The following DENND5B variants were observed in gnomAD, a reference collection of about 807,000 sequenced individuals.
DENND5B encodes DENN domain-containing protein 5B.
A neutral mutation model predicts 140.6 loss-of-function variants in DENND5B; 34 were observed. The observed-to-expected ratio is 0.24, with a 90% confidence interval of 0.18 to 0.32. DENND5B has a LOEUF of 0.32. Among genes scored for constraint, DENND5B ranks in the 10% least tolerant of loss-of-function variants. DENND5B has a pLI of 1.00. For synonymous variants in DENND5B, 551 were observed against 562.1 expected (o/e 0.98, Z 0.28); for missense variants, 1,142 against 1,560.2 (o/e 0.73, Z 4.52).
At chr12:31,525,412 A>C (rs73084486) in intron 1 of DENND5B, among the ~76,000 whole-genome samples, 20,421 of 152,258 alleles carry the variant, frequency 0.13, 1,616 homozygotes, top group Non-Finnish European at 0.18. Flanking sequence ...AAATATGCAA[A>C]GTGAAAGATG....
At chr12:31,553,261 T>C (rs1308658372) in intron 1 of DENND5B, among the ~76,000 whole-genome samples, 1 of 152,218 alleles carries the variant, frequency 6.6e-6, no homozygotes, top group Admixed American at 6.5e-5. Flanking sequence ...TGGTATGTTG[T>C]GTCTTTGTTC....
chr12:31,563,721 G>T (rs1170582713), intron 1 of DENND5B, among the ~76,000 whole-genome samples: 1 of 152,108 alleles, frequency 6.6e-6, no homozygotes, highest in Non-Finnish European at 1.5e-5. Flanking sequence ...GATTTCAAGA[G>T]ATCTCTTGGA....
chr12:31,557,974 G>A (rs1949354039), intron 1 of DENND5B, among the ~76,000 whole-genome samples: 2 of 152,120 alleles, frequency 1.3e-5, no homozygotes, highest in Admixed American at 6.6e-5. Context: ...GACTGGTTAA[G>A]CCCAGGAGTT....
At chr12:31,572,003 T>C (rs898152841) in intron 1 of DENND5B, among the ~76,000 whole-genome samples, 2 of 152,122 alleles carry the variant, frequency 1.3e-5, no homozygotes, top group African/African-American at 4.8e-5. Flanking sequence ...CGCAGGTGGA[T>C]CATGTGAGGT....
intron 4 of DENND5B, 150 bp from the exon 5 acceptor site, chr12:31,452,626 C>G: frequency 1.3e-6 from 1 of 782,164 alleles, no homozygotes; most frequent in Non-Finnish European, 1.9e-6. Context: ...GGGTTCGAGA[C>G]AAGACTGGGA....
intron 1 of DENND5B, among the ~76,000 whole-genome samples, chr12:31,581,843 A>G (rs1950217885): frequency 6.6e-6 from 1 of 152,174 alleles, no homozygotes; most frequent in African/African-American, 2.4e-5. Flanking sequence ...GATTGGTTCC[A>G]AGACTCCCAG....
intron 1 of DENND5B, among the ~76,000 whole-genome samples, chr12:31,497,062 T>C (rs1358224135): frequency 6.6e-6 from 1 of 152,156 alleles, no homozygotes; most frequent in South Asian, 2.1e-4. Flanking sequence ...TGAATTGTAT[T>C]TGACTTCTAG....
Position 31,426,334 on chromosome 12 carries a change from A to G in DENND5B, c.2197T>C (p.Cys733Arg). ...TTTAATAAGCCTTCTACGAATTTAC[A>G]GTTGGTCTGTGCAATAACTGCAGGA... Reference protein sequence around the residue: ...LSPAVIAQTNCKFVEGLLKEC... With the variant: ...LSPAVIAQTNRKFVEGLLKEC... Residue 733 changes from cysteine to arginine, a missense_variant, in exon 9 of 21, where the codon TGT (cysteine) becomes CGT (arginine). Cys to Arg is a radical substitution (Grantham distance 180). Around this residue, in one of 5 missense-constraint regions of DENND5B, gnomAD observed 708 missense variants for 905.5 expected, o/e 0.78. Coordinates refer to ENST00000389082, the MANE Select transcript of DENND5B (RefSeq NM_144973.4). The G allele has an allele frequency of 6.2e-7, 1 of 1,610,826 alleles. No individual in the cohort carries two copies. Among genetic ancestry groups the G allele is most frequent in the Non-Finnish European group, 8.5e-7 (1 of 1,178,436 alleles).
intron 1 of DENND5B, 105 bp from the exon 2 acceptor site, chr12:31,496,024 G>A: frequency 1.4e-6 from 1 of 695,530 alleles, no homozygotes; most frequent in Non-Finnish European, 2.2e-6. Flanking sequence ...GTTGAGATCT[G>A]ATTCAATTTC....
chr12:31,520,603 T>G lies in DENND5B; in HGVS notation c.128-24684A>C, dbSNP rs765149524. ...TCATCCAGGCTGGAGTACAGTGGTG[T>G]GATCTCAGCTCACTGCAACCTCCAC... On this transcript the variant is annotated intron_variant, in intron 1 of 20. Transcript: ENST00000389082. Among the ~76,000 whole-genome samples, 3 of 152,130 alleles carry G rather than the reference T, an allele frequency of 2.0e-5. 1 individual carries two copies. The South Asian group carries it at 6.2e-4, about 32-fold the overall frequency.
intron 1 of DENND5B, among the ~76,000 whole-genome samples, chr12:31,572,864 C>T (rs531107329): frequency 1.3e-5 from 2 of 152,232 alleles, no homozygotes; most frequent in Non-Finnish European, 2.9e-5. Flanking sequence ...CCGAAATATA[C>T]CATTTTAGAA....
intron 3 of DENND5B, among the ~76,000 whole-genome samples, chr12:31,461,722 A>G (rs1271301449): frequency 1.3e-5 from 2 of 152,204 alleles, no homozygotes; most frequent in Non-Finnish European, 2.9e-5. Flanking sequence ...ATGAGTTACA[A>G]AAAGAATGTT....
intron 1 of DENND5B, among the ~76,000 whole-genome samples, chr12:31,571,390 T>A (rs962420753): frequency 4.6e-5 from 7 of 152,068 alleles, no homozygotes; most frequent in South Asian, 2.1e-4. Context: ...GAAAAAAAAA[T>A]TTTAATAGAT....
At chr12:31,495,017 G>A (rs528515591) in intron 2 of DENND5B, among the ~76,000 whole-genome samples, 12 of 152,080 alleles carry the variant, frequency 7.9e-5, no homozygotes, top group East Asian at 5.8e-4. Flanking sequence ...TCCATCCACC[G>A]GTAACAATAA....
intron 1 of DENND5B, among the ~76,000 whole-genome samples, chr12:31,521,818 C>T (rs1377594040): frequency 2.0e-5 from 3 of 152,156 alleles, no homozygotes; most frequent in East Asian, 3.8e-4. Flanking sequence ...CTTCAGTAGC[C>T]TCCTACCTGG....
Position 31,423,776 on chromosome 12 carries a change from G to C in DENND5B, c.2392-101C>G, listed in dbSNP as rs530400822. ...ATTCCAATAGCCATTTAGAAGTCTG[G>C]TGACCCAAGCTCACTCATTCCTAGT... On this transcript the variant is annotated intron_variant, in intron 10 of 20. Coordinates refer to ENST00000389082, the MANE Select transcript of DENND5B (RefSeq NM_144973.4). 3.4e-6 allele frequency: 4 copies of C among 1,178,978 alleles called. No homozygotes were observed. The African/African-American group carries it at 6.1e-5, about 18-fold the overall frequency. 73.0% of individuals were successfully genotyped at this position (1,178,978 alleles called of 1,614,324 possible).
intron 15 of DENND5B, among the ~76,000 whole-genome samples, chr12:31,400,937 G>A (rs192191536): frequency 6.6e-6 from 1 of 151,482 alleles, no homozygotes; most frequent in Non-Finnish European, 1.5e-5. Context: ...CCGCCTCCCG[G>A]ATTCAAGCGA....
intron 1 of DENND5B, among the ~76,000 whole-genome samples, chr12:31,553,373 T>C (rs568163770): frequency 1.2e-3 from 190 of 152,328 alleles, no homozygotes; most frequent in African/African-American, 1.2e-3. Context: ...TTGAGTGTTT[T>C]TGAGTGAGTC....
intron 5 of DENND5B, among the ~76,000 whole-genome samples, chr12:31,449,736 T>TTTGTTGG (rs33965784): frequency 8.4e-5 from 4 of 47,562 alleles, no homozygotes; most frequent in African/African-American, 2.4e-4. Flanking sequence ...GATTAGTTTT[T>TTTGTTGG]TTTTTTTTTT....
Sources: allele counts gnomAD v4.1 joint callset (sites outside exome capture counted in the v4.1 genomes callset), GRCh38; gene constraint gnomAD v4.1.1; regional missense constraint gnomAD v4.1.1; transcripts MANE v1.5; gene names NCBI Gene and HGNC (gene_info 2026-07-23, HGNC 2026-07-21).